SMYD2: variants seen among roughly 807,000 people sequenced by gnomAD.
SMYD2 encodes SET and MYND domain containing 2, also known as N-lysine methyltransferase SMYD2.
A neutral mutation model predicts 59.1 loss-of-function variants in SMYD2; 53 were observed. The ratio of observed to expected loss-of-function variants is 0.90; its 90% CI spans 0.72 to 1.13. The LOEUF (loss-of-function observed/expected upper bound fraction) is 1.13, where lower values mean the gene tolerates loss of function less well. Among genes scored for constraint, SMYD2 ranks in the 50% most tolerant of loss-of-function variants. The pLI, the probability that SMYD2 is intolerant of heterozygous loss-of-function variation, is 0.00. For missense variants in SMYD2, 494 were observed against 544.7 expected (o/e 0.91, Z 0.93); for synonymous variants, 208 against 198.8 (o/e 1.05, Z -0.39).
At chr1:214,306,296 C>A (rs775124979) in intron 2 of SMYD2, among the ~76,000 whole-genome samples, 1 of 152,062 alleles carries the variant, frequency 6.6e-6, no homozygotes, top group African/African-American at 2.4e-5. Context: ...CACCTCCCTA[C>A]ACTGTTGGCT....
chr1:214,288,890 A>G (rs564359330), intron 1 of SMYD2, among the ~76,000 whole-genome samples: 7 of 151,442 alleles, frequency 4.6e-5, no homozygotes, highest in Non-Finnish European at 7.4e-5. Context: ...ACCTACATAT[A>G]AAGAGTTTGT....
Position 214,318,966 on chromosome 1 carries a change from G to C in SMYD2, c.517G>C (p.Val173Leu). 1 of 1,614,046 alleles carries C rather than the reference G, an allele frequency of 6.2e-7. No homozygotes were observed. The highest frequency in any genetic ancestry group is 8.5e-7 in the Non-Finnish European group (1 of 1,180,016). ...CGGATTCCCTGACAATGATAGCCTCGTAGTACTCTTTGCACAGGTAAGGAC... is the reference window on the plus strand; with the variant it reads ...CGGATTCCCTGACAATGATAGCCTCCTAGTACTCTTTGCACAGGTAAGGAC... ...HLGFPDNDSL[V>L]VLFAQVNCNG... The change falls in exon 5 of 12, where the codon GTA becomes CTA. Residue 173 changes from valine (V) to leucine (L), a missense_variant. Physicochemically the swap from Val to Leu is conservative, Grantham distance 32 (BLOSUM62 1). Coordinates refer to ENST00000366957, the MANE Select transcript of SMYD2 (RefSeq NM_020197.3). The surrounding 1 kb of genome is among the most constrained non-coding windows in gnomAD (Gnocchi z 5.4).
At chr1:214,321,503 C>T (rs953916656) in intron 5 of SMYD2, among the ~76,000 whole-genome samples, 1 of 152,180 alleles carries the variant, frequency 6.6e-6, no homozygotes, top group Non-Finnish European at 1.5e-5. Flanking sequence ...AGCCACATGC[C>T]ACCGGTCCCA....
chr1:214,324,652 T>C lies in SMYD2; in HGVS notation c.546T>C (p.Asn182=). ...TTTTCTTGCTGCAGGTTAACTGTAATGGCTTCACAATTGAAGATGAAGAAC... is the reference window on the plus strand; with the variant it reads ...TTTTCTTGCTGCAGGTTAACTGTAACGGCTTCACAATTGAAGATGAAGAAC... ...LVVLFAQVNC[N]GFTIEDEELS... is the part of the protein sequence containing the mutation. Residue 182 remains asparagine, a synonymous_variant, in exon 6 of 12, where the codon AAT becomes AAC. Transcript: ENST00000366957. 1 of 1,613,074 alleles carries C rather than the reference T, an allele frequency of 6.2e-7. No individual in the cohort carries two copies. The highest frequency in any genetic ancestry group is 8.5e-7 in the Non-Finnish European group (1 of 1,179,630).
chr1:214,285,768 G>A (rs76273022), intron 1 of SMYD2, among the ~76,000 whole-genome samples: 1,766 of 152,292 alleles, frequency 0.012, 39 homozygotes, highest in African/African-American at 0.041. Flanking sequence ...TTTGGTCCTT[G>A]TGCCAGCATG....
chr1:214,321,074 A>G (rs897768644), intron 5 of SMYD2, among the ~76,000 whole-genome samples: 2 of 152,192 alleles, frequency 1.3e-5, no homozygotes, highest in Non-Finnish European at 1.5e-5. Flanking sequence ...ACAGTGATGC[A>G]TGCTTATAGG....
chr1:214,304,350 G>A (rs544062155), intron 1 of SMYD2, among the ~76,000 whole-genome samples: 1 of 152,132 alleles, frequency 6.6e-6, no homozygotes, highest in East Asian at 1.9e-4. Flanking sequence ...CTTGAGCCCA[G>A]GAGTTGGGGA....
At chr1:214,330,136 A>G (rs374097835) in intron 7 of SMYD2, 32 bp from the exon 8 acceptor site, 2 of 1,441,520 alleles carry the variant, frequency 1.4e-6, no homozygotes, top group African/African-American at 2.8e-5. Context: ...TACCTGTAGC[A>G]GACTGAAGCT....
chr1:214,293,887 G>C (rs1400643153), intron 1 of SMYD2, among the ~76,000 whole-genome samples: 1 of 151,922 alleles, frequency 6.6e-6, no homozygotes, highest in African/African-American at 2.4e-5. Flanking sequence ...TGTTGGTCTG[G>C]CTGGTTTTGA....
chr1:214,314,927 T>G, intron 3 of SMYD2, 55 bp downstream of exon 3: 1 of 1,367,374 alleles, frequency 7.3e-7, no homozygotes, highest in Non-Finnish European at 1.0e-6. Flanking sequence ...CTTTTAAAGG[T>G]CAGAAAGATG....
chr1:214,312,988 G>A lies in SMYD2; in HGVS notation c.238-1774G>A, dbSNP rs968062637. On this transcript the variant is annotated intron_variant, in intron 2 of 11. Transcript: ENST00000366957. The surrounding 1 kb of genome is among the most constrained non-coding windows in gnomAD (Gnocchi z 4.1). Reference sequence around the variant, plus strand: ...CATGAGAGATGTTGGGGCTGCAGCCGGGTAGAAAGGTTGTGGAGCTAAGAA... The same window carrying A: ...CATGAGAGATGTTGGGGCTGCAGCCAGGTAGAAAGGTTGTGGAGCTAAGAA... Among the ~76,000 whole-genome samples, 3 of 152,182 alleles carry A rather than the reference G, an allele frequency of 2.0e-5. No homozygotes were observed. Among genetic ancestry groups the A allele is most frequent in the South Asian group, 2.1e-4 (1 of 4,832 alleles).
intron 1 of SMYD2, among the ~76,000 whole-genome samples, chr1:214,287,121 G>A (rs951461267): frequency 1.3e-5 from 2 of 151,714 alleles, no homozygotes; most frequent in South Asian, 2.1e-4. Context: ...GAGCCACCAC[G>A]CCTGGCCTGA....
At chr1:214,296,667 C>T (rs1336037456) in intron 1 of SMYD2, among the ~76,000 whole-genome samples, 1 of 152,128 alleles carries the variant, frequency 6.6e-6, no homozygotes, top group African/African-American at 2.4e-5. Context: ...CATAGCAAAC[C>T]TATGAGGTGG....
At chr1:214,320,858 T>A (rs1278853663) in intron 5 of SMYD2, among the ~76,000 whole-genome samples, 2 of 152,192 alleles carry the variant, frequency 1.3e-5, no homozygotes, top group Non-Finnish European at 2.9e-5. Flanking sequence ...CATATTATCC[T>A]GGGTTTAAAT....
In SMYD2 at chr1:214,334,362, G is replaced by T; in HGVS notation, c.1221+54G>T. 2.0e-6 allele frequency: 3 copies of T among 1,483,216 alleles called. No individual in the cohort carries two copies. In the East Asian group the frequency reaches 6.8e-5, roughly 34 times the overall value. 91.9% of individuals were successfully genotyped at this position (1,483,216 alleles called of 1,614,324 possible). A position where few individuals can be genotyped will look rare whatever the true frequency, so the allele number is the denominator to read the frequency against. ...CCAGTGGCCAGATGGCCTCCTTAGC[G>T]CACCTCCTTCATGCCTCACCAGGCT... On this transcript the variant is annotated intron_variant, in intron 11 of 11. Coordinates refer to ENST00000366957, the MANE Select transcript of SMYD2 (RefSeq NM_020197.3).
chr1:214,336,961 T>C lies in SMYD2; in HGVS notation c.*177T>C, dbSNP rs1262947200. The C allele has an allele frequency of 1.9e-6, 1 of 523,200 alleles. No individual in the cohort carries two copies. The highest frequency in any genetic ancestry group is 3.3e-6 in the Non-Finnish European group (1 of 306,090). 32.4% of individuals were successfully genotyped at this position (523,200 alleles called of 1,614,324 possible). A position where few individuals can be genotyped will look rare whatever the true frequency, so the allele number is the denominator to read the frequency against. On this transcript the variant is annotated 3_prime_UTR_variant, in exon 12 of 12. Transcript: ENST00000366957. ...TTGAGGTTAGTCTGAATCTTGAACT[T>C]TAATACCAAATTAATTTTGAATGCT...
chr1:214,285,660 T>C (rs1571917244), intron 1 of SMYD2, among the ~76,000 whole-genome samples: 1 of 151,982 alleles, frequency 6.6e-6, no homozygotes, highest in East Asian at 1.9e-4. Context: ...GAAATGGCTG[T>C]TTTCACTTTC....
intron 3 of SMYD2, among the ~76,000 whole-genome samples, chr1:214,317,351 TA>T (rs1657103671): frequency 2.0e-5 from 3 of 152,318 alleles, no homozygotes; most frequent in African/African-American, 7.2e-5. Context: ...TGCAAAGGAT[TA>T]GGGGAGACAG....
chr1:214,324,070 G>A (rs766223791), intron 5 of SMYD2, among the ~76,000 whole-genome samples: 1 of 152,166 alleles, frequency 6.6e-6, no homozygotes. Flanking sequence ...TGGGATTACA[G>A]GCATGCGCCA....
Sources: gnomAD v4.1 joint callset for allele counts (sites outside exome capture counted in the v4.1 genomes callset) on GRCh38, gnomAD v4.1.1 for gene constraint, Gnocchi (gnomAD v3.1) non-coding constraint, MANE v1.5 for transcripts, NCBI Gene and HGNC (gene_info 2026-07-23, HGNC 2026-07-21) for gene names.